The following TTLL5 variants were observed in gnomAD, a reference collection of about 807,000 sequenced individuals.
TTLL5 encodes tubulin tyrosine ligase like 5.
In TTLL5, 132 loss-of-function variants were observed where a neutral mutation model predicts 168.4. The ratio of observed to expected loss-of-function variants is 0.78; its 90% CI spans 0.68 to 0.91. The LOEUF (loss-of-function observed/expected upper bound fraction) is 0.91. Ranked by LOEUF, TTLL5 falls within the 40% of genes least tolerant of loss-of-function variation. TTLL5 has a pLI of 0.00. For missense variants in TTLL5, 1,545 were observed against 1,581.5 expected (o/e 0.98, Z 0.39); for synonymous variants, 546 against 558.6 (o/e 0.98, Z 0.32).
At chr14:75,918,145 T>TC (rs2033685751) in intron 31 of TTLL5, among the ~76,000 whole-genome samples, 1 of 152,068 alleles carries the variant, frequency 6.6e-6, no homozygotes, top group Admixed American at 6.6e-5. Flanking sequence ...GGTCAATCTG[T>TC]CCCCCTTTCA....
At chr14:75,805,938 T>C (rs1893627506) in intron 27 of TTLL5, among the ~76,000 whole-genome samples, 1 of 152,138 alleles carries the variant, frequency 6.6e-6, no homozygotes. Context: ...GCCTTTATTA[T>C]CTCTTGGATG....
At chr14:75,749,500 G>A (rs924093905) in intron 17 of TTLL5, among the ~76,000 whole-genome samples, 6 of 152,098 alleles carry the variant, frequency 3.9e-5, no homozygotes, top group African/African-American at 7.2e-5. Context: ...AGAATTGGAC[G>A]GACTTATATT....
Position 75,729,869 on chromosome 14 carries a change from C to T in TTLL5, c.1043-2469C>T, listed in dbSNP as rs964026381. ...TATTTCCCAGAATATTGGTTCTCAG[C>T]CTGTCAACTGAGATTCTTGGAATTT... On this transcript the variant is annotated intron_variant, in intron 12 of 31. Coordinates refer to ENST00000298832, the MANE Select transcript of TTLL5 (RefSeq NM_015072.5). Among the ~76,000 whole-genome samples, 19 of 152,160 alleles carry T rather than the reference C, an allele frequency of 1.2e-4. 1 individual carries two copies. The highest frequency in any genetic ancestry group is 1.2e-3 in the Admixed American group (18 of 15,278).
At chr14:75,755,538 C>T (rs1890199748) in intron 18 of TTLL5, among the ~76,000 whole-genome samples, 1 of 151,926 alleles carries the variant, frequency 6.6e-6, no homozygotes, top group Non-Finnish European at 1.5e-5. Flanking sequence ...TTCTTTTATC[C>T]CTCAGTCTAA....
At chr14:75,828,937 A>G (rs1895394767) in intron 28 of TTLL5, among the ~76,000 whole-genome samples, 1 of 152,222 alleles carries the variant, frequency 6.6e-6, no homozygotes, top group African/African-American at 2.4e-5. Context: ...AACATGTAAA[A>G]TTACTGAATA....
At chr14:75,683,704 T>G in intron 5 of TTLL5, 48 bp downstream of exon 5, 1 of 1,431,280 alleles carries the variant, frequency 7.0e-7, no homozygotes, top group Non-Finnish European at 9.9e-7. Context: ...TACATGACAT[T>G]GGGGCATGTA....
chr14:75,782,451 T>C (rs1158755682), intron 24 of TTLL5, 36 bp from the exon 25 acceptor site: 1 of 1,543,374 alleles, frequency 6.5e-7, no homozygotes, highest in Non-Finnish European at 8.9e-7. Flanking sequence ...TGCAATTGAT[T>C]ATAAGAGAGT....
chr14:75,717,142 G>A (rs531724356), intron 9 of TTLL5, among the ~76,000 whole-genome samples: 12 of 151,680 alleles, frequency 7.9e-5, no homozygotes, highest in Admixed American at 3.3e-4. Flanking sequence ...GCACTCAGTC[G>A]GTGTTTCTGT....
intron 31 of TTLL5, among the ~76,000 whole-genome samples, chr14:75,934,509 T>G (rs574879531): frequency 2.0e-5 from 3 of 152,222 alleles, no homozygotes; most frequent in Admixed American, 2.0e-4. Flanking sequence ...TAAGACAAGG[T>G]TTTCTGGGGG....
chr14:75,662,745 G>C (rs1052526682), intron 1 of TTLL5, among the ~76,000 whole-genome samples: 1 of 152,186 alleles, frequency 6.6e-6, no homozygotes, highest in Admixed American at 6.5e-5. Context: ...GCCTCAAACT[G>C]AGTGAAAGTG....
chr14:75,937,347 T>A (rs1212467750), intron 31 of TTLL5, among the ~76,000 whole-genome samples: 1 of 151,606 alleles, frequency 6.6e-6, no homozygotes, highest in African/African-American at 2.4e-5. Flanking sequence ...AGGATGGTCT[T>A]GAACTCCTGA....
intron 2 of TTLL5, among the ~76,000 whole-genome samples, chr14:75,668,803 CTCA>C (rs1207090122): frequency 6.6e-6 from 1 of 152,120 alleles, no homozygotes; most frequent in Non-Finnish European, 1.5e-5. Context: ...TTATTGTGAA[CTCA>C]TCAGTTAGGA....
At chr14:75,725,976 G>A (rs1339706888) in intron 12 of TTLL5, among the ~76,000 whole-genome samples, 1 of 152,020 alleles carries the variant, frequency 6.6e-6, no homozygotes. Flanking sequence ...TTTTCAATTT[G>A]AATCCAAAGC....
intron 31 of TTLL5, among the ~76,000 whole-genome samples, chr14:75,933,668 G>A (rs2034346275): frequency 6.6e-6 from 1 of 152,174 alleles, no homozygotes; most frequent in Non-Finnish European, 1.5e-5. Context: ...TTCTCTAAAG[G>A]CTGCTGTTAT....
chr14:75,841,130 C>A (rs1242107505), intron 28 of TTLL5, among the ~76,000 whole-genome samples: 3 of 152,220 alleles, frequency 2.0e-5, no homozygotes, highest in Non-Finnish European at 4.4e-5. Context: ...GATCCACCCC[C>A]ATCATCCAAT....
intron 9 of TTLL5, 145 bp downstream of exon 9, chr14:75,707,852 A>G (rs764754235): frequency 1.1e-4 from 78 of 700,334 alleles, no homozygotes; most frequent in East Asian, 2.8e-4. Context: ...CACCTCCTCA[A>G]CTGCTGTGCT....
Position 75,793,889 on chromosome 14 carries a change from T to C in TTLL5, c.3171+789T>C, listed in dbSNP as rs1289848658. ...ATCATAATTTAACTCCACAGTTATA[T>C]TTTGCTATGTTGCTGATGTGCCAAA... On this transcript the variant is annotated intron_variant, in intron 27 of 31. Coordinates refer to ENST00000298832, the MANE Select transcript of TTLL5 (RefSeq NM_015072.5). Among the ~76,000 whole-genome samples the C allele has an allele frequency of 3.9e-5, 6 of 152,328 alleles. No homozygotes were observed. The East Asian group carries it at 1.2e-3, about 29-fold the overall frequency.
At chr14:75,914,033 A>AAAAAAAAAAAAAAAAAAT in intron 31 of TTLL5, among the ~76,000 whole-genome samples, 16 of 71,096 alleles carry the variant, frequency 2.3e-4, no homozygotes, top group Non-Finnish European at 3.3e-4. Context: ...AAAAAAAAAA[A>AAAAAAAAAAAAAAAAAAT]ATATATATAT....
At chr14:75,804,738 T>C (rs1042187187) in intron 27 of TTLL5, among the ~76,000 whole-genome samples, 1 of 152,230 alleles carries the variant, frequency 6.6e-6, no homozygotes, top group African/African-American at 2.4e-5. Flanking sequence ...AGCAAGACCT[T>C]GGACAAGTTG....
Sources: gnomAD v4.1 joint callset for allele counts (sites outside exome capture counted in the v4.1 genomes callset) on GRCh38, gnomAD v4.1.1 for gene constraint, MANE v1.5 for transcripts, NCBI Gene and HGNC (gene_info 2026-07-23, HGNC 2026-07-21) for gene names.